The following ROBO1 variants were observed in gnomAD, a reference collection of about 807,000 sequenced individuals.
ROBO1 encodes roundabout guidance receptor 1.
Under a neutral mutation model 195.9 loss-of-function variants are expected in ROBO1, and 149 were observed. The ratio of observed to expected loss-of-function variants is 0.76; its 90% CI spans 0.67 to 0.87. The LOEUF (loss-of-function observed/expected upper bound fraction) is 0.87, where lower values mean the gene tolerates loss of function less well. ROBO1 is among the 40% of genes least tolerant of loss of function. The pLI is 0.00. For missense variants in ROBO1, 1,933 were observed against 2,068.3 expected (o/e 0.93, Z 1.27); for synonymous variants, 816 against 733.2 (o/e 1.11, Z -1.82).
At chr3:79,603,425 A>C (rs13071987) in intron 1 of ROBO1, among the ~76,000 whole-genome samples, 126,690 of 151,826 alleles carry the variant, frequency 0.83, 52,999 homozygotes, top group Middle Eastern at 0.89. Flanking sequence ...TGTTGACTCT[A>C]TTCTGGAGAG....
chr3:79,699,034 AAGAG>A (rs1947530653), intron 1 of ROBO1, among the ~76,000 whole-genome samples: 1 of 150,744 alleles, frequency 6.6e-6, no homozygotes, highest in Admixed American at 6.7e-5. Flanking sequence ...GTTTTTTTCA[AAGAG>A]AGATCATTAA....
intron 4 of ROBO1, among the ~76,000 whole-genome samples, chr3:78,859,663 AAAC>A (rs2034665768): frequency 6.6e-6 from 1 of 152,196 alleles, no homozygotes; most frequent in African/African-American, 2.4e-5. Flanking sequence ...TTAGAAATAA[AAAC>A]AATAAACAAG....
intron 1 of ROBO1, among the ~76,000 whole-genome samples, chr3:79,703,970 TATA>T (rs1947694444): frequency 1.3e-5 from 2 of 152,016 alleles, no homozygotes; most frequent in Admixed American, 1.3e-4. Flanking sequence ...TATTGTTTTA[TATA>T]ATGACACCTA....
At chr3:79,412,835 C>T (rs2037829258) in intron 2 of ROBO1, among the ~76,000 whole-genome samples, 1 of 132,334 alleles carries the variant, frequency 7.6e-6, no homozygotes, top group Admixed American at 7.7e-5. Flanking sequence ...TTCCATCTCT[C>T]CTGTTTTCTG....
rs564274257 is a variant in ROBO1 at position 79,059,428 on chromosome 3, G to A, written c.172+66028C>T. Among the ~76,000 whole-genome samples the A allele has an allele frequency of 3.9e-5, 6 of 151,998 alleles. No homozygotes were observed. The South Asian group carries it at 1.2e-3, about 32-fold the overall frequency. On this transcript the variant is annotated intron_variant, in intron 3 of 30. Transcript: ENST00000464233. The stretch of plus-strand genomic sequence containing the variant: ...TAATCGGCTTATCTTTACTGTGTGG[G>A]ACCAGTCAAAGAATCCTGCATCAAA...
chr3:79,707,249 G>A (rs1445909504), intron 1 of ROBO1, among the ~76,000 whole-genome samples: 4 of 152,056 alleles, frequency 2.6e-5, no homozygotes, highest in Admixed American at 2.0e-4. Flanking sequence ...CAAGTAATCT[G>A]TCCATCTCAT....
chr3:78,952,572 G>A (rs2040845504), intron 3 of ROBO1, among the ~76,000 whole-genome samples: 1 of 151,748 alleles, frequency 6.6e-6, no homozygotes, highest in African/African-American at 2.4e-5. Context: ...TAAAAAATAA[G>A]AAGGCAGCAC....
intron 3 of ROBO1, among the ~76,000 whole-genome samples, chr3:79,039,602 C>A (rs1056085876): frequency 1.3e-5 from 2 of 151,918 alleles, no homozygotes; most frequent in African/African-American, 4.8e-5. Flanking sequence ...TCAAGACCAT[C>A]CTGGCCAACA....
chr3:79,352,279 A>C (rs148061546), intron 2 of ROBO1, among the ~76,000 whole-genome samples: 101 of 152,276 alleles, frequency 6.6e-4, no homozygotes, highest in African/African-American at 2.3e-3. Flanking sequence ...ACCTTTACTT[A>C]CTATTCCTTA....
At chr3:79,591,096 G>A (rs1321670203) in intron 1 of ROBO1, among the ~76,000 whole-genome samples, 3 of 151,864 alleles carry the variant, frequency 2.0e-5, no homozygotes, top group Non-Finnish European at 1.5e-5. Flanking sequence ...TTTTAGATTT[G>A]CGAGTTGGGA....
chr3:79,054,978 T>C (rs2078776352), intron 3 of ROBO1, among the ~76,000 whole-genome samples: 1 of 152,122 alleles, frequency 6.6e-6, no homozygotes, highest in African/African-American at 2.4e-5. Context: ...ACAATGCTTG[T>C]CCACCTCCAC....
intron 1 of ROBO1, among the ~76,000 whole-genome samples, chr3:79,767,505 C>G (rs1481578182): frequency 6.6e-6 from 1 of 152,190 alleles, no homozygotes; most frequent in African/African-American, 2.4e-5. Flanking sequence ...AAACAAACAT[C>G]GCATCCCTGC....
intron 1 of ROBO1, among the ~76,000 whole-genome samples, chr3:79,628,903 A>C (rs899386039): frequency 6.6e-6 from 1 of 152,216 alleles, no homozygotes; most frequent in Non-Finnish European, 1.5e-5. Context: ...AAGACAAAGG[A>C]AGTCATTGTA....
At chr3:78,763,225 A>T (rs1372384330) in intron 4 of ROBO1, among the ~76,000 whole-genome samples, 1 of 152,184 alleles carries the variant, frequency 6.6e-6, no homozygotes, top group African/African-American at 2.4e-5. Flanking sequence ...ATTAAGCAAA[A>T]GAGAAGACAA....
Position 79,217,435 on chromosome 3 carries a change from T to C in ROBO1, c.89-91896A>G, listed in dbSNP as rs79890582. The stretch of plus-strand genomic sequence containing the variant: ...AGCTTGACATTTTAACGTATTTTTT[T>C]CCCTAAGGAACTTATTCTGCAACAG... On this transcript the variant is annotated intron_variant, in intron 2 of 30. Coordinates refer to ENST00000464233, the MANE Select transcript of ROBO1 (RefSeq NM_002941.4). 7.7e-3 allele frequency among the ~76,000 whole-genome samples: 1,165 copies of C among 152,132 alleles called. 12 individuals carry two copies. The highest frequency in any genetic ancestry group is 0.026 in the African/African-American group (1,070 of 41,556).
chr3:79,175,401 C>T (rs2081247505), intron 2 of ROBO1, among the ~76,000 whole-genome samples: 2 of 152,172 alleles, frequency 1.3e-5, no homozygotes, highest in Non-Finnish European at 2.9e-5. Context: ...CTGCCTTGGC[C>T]TCCCCAAATA....
At chr3:78,820,007 G>A (rs968195998) in intron 4 of ROBO1, among the ~76,000 whole-genome samples, 24 of 152,084 alleles carry the variant, frequency 1.6e-4, no homozygotes, top group African/African-American at 5.6e-4. Context: ...CTATAAATAG[G>A]TCTTTATAAT....
chr3:78,611,321 G>C (rs1470681533), intron 28 of ROBO1, among the ~76,000 whole-genome samples: 2 of 152,180 alleles, frequency 1.3e-5, no homozygotes, highest in Admixed American at 1.3e-4. Flanking sequence ...TGTAGATTTG[G>C]TTTTTAAATC....
intron 5 of ROBO1, among the ~76,000 whole-genome samples, chr3:78,726,765 C>T (rs1372924388): frequency 1.3e-5 from 2 of 152,156 alleles, no homozygotes; most frequent in Non-Finnish European, 2.9e-5. Flanking sequence ...CCCAGACATT[C>T]CCCTTGGTGA....
Sources: gnomAD v4.1 joint callset for allele counts (sites outside exome capture counted in the v4.1 genomes callset) on GRCh38, gnomAD v4.1.1 for gene constraint, MANE v1.5 for transcripts, NCBI Gene and HGNC (gene_info 2026-07-23, HGNC 2026-07-21) for gene names.